The following PCDHA8 variants were observed in gnomAD, a reference collection of about 807,000 sequenced individuals.
PCDHA8 encodes protocadherin alpha 8.
A neutral mutation model predicts 61.8 loss-of-function variants in PCDHA8; 53 were observed. The observed-to-expected ratio is 0.86, with a 90% CI of 0.69 to 1.08. The LOEUF (loss-of-function observed/expected upper bound fraction) is 1.08. Among genes scored for constraint, PCDHA8 ranks in the 50% least tolerant of loss-of-function variants. The pLI, the probability that PCDHA8 is intolerant of heterozygous loss-of-function variation, is 0.00. For synonymous variants in PCDHA8, 618 were observed against 556.6 expected, an observed-to-expected ratio of 1.11 and a Z score of -1.55; for missense variants, 1,293 against 1,245.0, an observed-to-expected ratio of 1.04 and a Z score of -0.58.
At position 140,876,190 on chromosome 5, in the gene PCDHA8, C is replaced by T. The variant is rs782463342; in HGVS notation, c.2394+32475C>T. Reference sequence around the variant, plus strand: ...CGTCCTGGATGTGAATGACAATGGTCCGGCGTTTGATAAGCCCAGCTATAA... The same window carrying T: ...CGTCCTGGATGTGAATGACAATGGTTCGGCGTTTGATAAGCCCAGCTATAA... On this transcript the variant is annotated intron_variant, in intron 1 of 3. Coordinates refer to ENST00000531613, the MANE Select transcript of PCDHA8 (RefSeq NM_018911.3). 3.7e-6 allele frequency: 6 copies of T among 1,613,936 alleles called. No individual in the cohort carries two copies. The Admixed American group carries it at 5.0e-5, about 13-fold the overall frequency.
chr5:140,880,645 C>A (rs535367313), intron 1 of PCDHA8, among the ~76,000 whole-genome samples: 1 of 152,032 alleles, frequency 6.6e-6, no homozygotes, highest in Admixed American at 6.6e-5. Context: ...CACTTGAGAG[C>A]CCAACTGAGG....
chr5:140,883,639 G>A (rs2059720248), intron 1 of PCDHA8: 1 of 1,614,016 alleles, frequency 6.2e-7, no homozygotes, highest in Non-Finnish European at 8.5e-7. Context: ...CGTTCGCGCA[G>A]CCCGAGTACA....
Position 141,009,646 on chromosome 5 carries a change from G to A in PCDHA8, c.2562G>A (p.Val854=), listed in dbSNP as rs369515881. 16 of 1,613,668 alleles carry A rather than the reference G, an allele frequency of 9.9e-6. No individual in the cohort carries two copies. The highest frequency in any genetic ancestry group is 5.5e-5 in the South Asian group (5 of 91,030). ...TTTCAGAACCAGAGGCAGGAGAAGT[G>A]TCCCCTCCAGTCGGTGCGGGTGTCA... is the stretch of plus-strand genomic sequence containing the variant. ...SATPEPEAGE[V]SPPVGAGVNS... The change falls in exon 4 of 4, where the codon GTG becomes GTA. Residue 854 remains valine, a synonymous_variant. Coordinates refer to ENST00000531613, the MANE Select transcript of PCDHA8 (RefSeq NM_018911.3).
chr5:140,966,599 C>T, intron 1 of PCDHA8: 1 of 631,096 alleles, frequency 1.6e-6, no homozygotes, highest in Non-Finnish European at 2.4e-6. Context: ...GGCCAGGAGC[C>T]CTTGGGAGGG....
intron 1 of PCDHA8, among the ~76,000 whole-genome samples, chr5:140,956,909 A>C (rs1395848380): frequency 2.0e-5 from 3 of 152,198 alleles, no homozygotes; most frequent in African/African-American, 7.2e-5. Context: ...TAAATGTATA[A>C]ACTTTAATCT....
chr5:140,899,464 T>A (rs1357482231), intron 1 of PCDHA8, among the ~76,000 whole-genome samples: 22 of 152,226 alleles, frequency 1.4e-4, no homozygotes, highest in Admixed American at 2.0e-4. Context: ...GGTTTTTGTC[T>A]TTGGTTCTGT....
At chr5:140,959,259 C>G (rs781794121) in intron 1 of PCDHA8, among the ~76,000 whole-genome samples, 1 of 152,040 alleles carries the variant, frequency 6.6e-6, no homozygotes, top group African/African-American at 2.4e-5. Context: ...TGACTGTAGT[C>G]CCAGCTACCC....
At chr5:140,870,794 T>C in intron 1 of PCDHA8, 2 of 1,613,684 alleles carry the variant, frequency 1.2e-6, no homozygotes, top group South Asian at 2.2e-5. Context: ...GCGCCGGCAC[T>C]GCTGGCGACT....
intron 1 of PCDHA8, chr5:140,849,696 T>C (rs2150445431): frequency 6.3e-7 from 1 of 1,598,686 alleles, no homozygotes; most frequent in South Asian, 1.1e-5. Context: ...GGTGTCCACC[T>C]ACAAGAATTA....
In PCDHA8 at chr5:140,842,109, A is replaced by C. The variant is rs2150329529; in HGVS notation, c.788A>C (p.Lys263Thr). Residue 263 changes from lysine to threonine, a missense_variant, in exon 1 of 4, where the codon AAA (lysine) becomes ACA (threonine). Transcript: ENST00000531613. ...ENADNGTTVI[K>T]LNASDPDEGA... The stretch of plus-strand genomic sequence containing the variant: ...GCAGACAACGGAACAACAGTTATCA[A>C]ACTGAATGCTTCTGATCCGGATGAA... 16 of 1,613,740 alleles carry C rather than the reference A, an allele frequency of 9.9e-6. No homozygotes were observed. Among genetic ancestry groups the C allele is most frequent in the Non-Finnish European group, 1.4e-5 (16 of 1,179,826 alleles).
At chr5:140,925,231 G>A (rs2082401450) in intron 1 of PCDHA8, among the ~76,000 whole-genome samples, 1 of 152,154 alleles carries the variant, frequency 6.6e-6, no homozygotes, top group Non-Finnish European at 1.5e-5. Flanking sequence ...GTTTCTACCA[G>A]AAAATATGTC....
intron 1 of PCDHA8, chr5:140,849,434 T>C (rs2150437412): frequency 1.0e-5 from 16 of 1,580,752 alleles, no homozygotes; most frequent in Non-Finnish European, 9.5e-6. Context: ...TTGAAGAAAG[T>C]AGAGCACACA....
At chr5:140,926,775 G>C in intron 1 of PCDHA8, 9 of 1,391,106 alleles carry the variant, frequency 6.5e-6, no homozygotes, top group Admixed American at 3.1e-5. Flanking sequence ...GCCCGCAGCA[G>C]TGACGGCCGG....
intron 1 of PCDHA8, among the ~76,000 whole-genome samples, chr5:140,925,907 C>T (rs937426015): frequency 6.6e-6 from 1 of 151,848 alleles, no homozygotes; most frequent in African/African-American, 2.4e-5. Flanking sequence ...TCGTCAAGGG[C>T]CGTTTGCAAA....
chr5:140,940,468 C>A (rs2092618066), intron 1 of PCDHA8, among the ~76,000 whole-genome samples: 1 of 151,866 alleles, frequency 6.6e-6, no homozygotes, highest in African/African-American at 2.4e-5. Flanking sequence ...CTGTTCCCTG[C>A]AATTTTTTTT....
At chr5:140,890,217 G>T (rs2153429721) in intron 1 of PCDHA8, among the ~76,000 whole-genome samples, 1 of 152,142 alleles carries the variant, frequency 6.6e-6, no homozygotes, top group South Asian at 2.1e-4. Context: ...TTTTCCCAGA[G>T]ACCTAGTTGT....
At position 140,944,452 on chromosome 5, in the gene PCDHA8, G is replaced by A. The variant is rs147335783; in HGVS notation, c.2395-34497G>A. 1.8e-3 allele frequency among the ~76,000 whole-genome samples: 280 copies of A among 152,282 alleles called. 3 individuals are homozygous for A. Among genetic ancestry groups the A allele is most frequent in the African/African-American group, 6.4e-3 (266 of 41,552 alleles). ...TCTGCCTGCCTCGGCCTCCCAAAGTGCTGGGATTACAGGTATGAGGCACTG... is the reference window on the plus strand; with the variant it reads ...TCTGCCTGCCTCGGCCTCCCAAAGTACTGGGATTACAGGTATGAGGCACTG... On this transcript the variant is annotated intron_variant, in intron 1 of 3. Coordinates refer to ENST00000531613, the MANE Select transcript of PCDHA8 (RefSeq NM_018911.3).
chr5:140,991,374 G>A (rs537981449), intron 3 of PCDHA8, among the ~76,000 whole-genome samples: 2 of 152,286 alleles, frequency 1.3e-5, no homozygotes, highest in South Asian at 4.1e-4. Context: ...TGAGTTCTAG[G>A]CCAACTGTAG....
intron 3 of PCDHA8, among the ~76,000 whole-genome samples, chr5:141,003,371 G>A (rs782012251): frequency 2.0e-5 from 3 of 152,148 alleles, no homozygotes; most frequent in African/African-American, 7.2e-5. Flanking sequence ...GAGTGCAGTG[G>A]TGCAATCTCA....
Sources: allele counts gnomAD v4.1 joint callset (sites outside exome capture counted in the v4.1 genomes callset), GRCh38; gene constraint gnomAD v4.1.1; transcripts MANE v1.5; gene names NCBI Gene and HGNC (gene_info 2026-07-23, HGNC 2026-07-21).